PTPRB: variants seen among roughly 807,000 people sequenced by gnomAD.
PTPRB encodes the protein receptor-type tyrosine-protein phosphatase beta.
PTPRB carries 97 observed loss-of-function variants against 238.1 expected under a neutral mutation model. That is an observed-to-expected ratio of 0.41 (90% confidence interval 0.35 to 0.48). The LOEUF (loss-of-function observed/expected upper bound fraction) is 0.48. Among genes scored for constraint, PTPRB ranks in the 20% least tolerant of loss-of-function variants. The pLI, the probability that PTPRB is intolerant of heterozygous loss-of-function variation, is 0.30. For missense variants in PTPRB, 2,292 were observed against 2,681.9 expected, an observed-to-expected ratio of 0.85 and a Z score of 3.21; for synonymous variants, 970 against 995.4, an observed-to-expected ratio of 0.97 and a Z score of 0.48.
chr12:70,543,787 C>G (rs1875537130), intron 22 of PTPRB, among the ~76,000 whole-genome samples: 1 of 152,196 alleles, frequency 6.6e-6, no homozygotes, highest in Admixed American at 6.5e-5. Context: ...AGGTTGTACG[C>G]TTGGGCAGAA....
chr12:70,596,224 C>T lies in PTPRB; in HGVS notation c.1083G>A (p.Glu361=). ...GGTTATTTTCATCAAATAATTGCAC[C>T]TCATATGAGGTGACTTTTCCGGAAG... is the stretch of plus-strand genomic sequence containing the variant. ...TPSSGKVTSY[E]VQLFDENNQK... The change falls in exon 5 of 34, where the codon GAG becomes GAA. Residue 361 remains glutamate (E), a synonymous_variant. Coordinates refer to ENST00000334414, the MANE Select transcript of PTPRB (RefSeq NM_001109754.4). 2.5e-6 allele frequency: 4 copies of T among 1,613,394 alleles called. No individual in the cohort carries two copies. Among genetic ancestry groups the T allele is most frequent in the Non-Finnish European group, 3.4e-6 (4 of 1,179,774 alleles).
chr12:70,570,729 G>A (rs1879932949), intron 13 of PTPRB, among the ~76,000 whole-genome samples: 1 of 152,176 alleles, frequency 6.6e-6, no homozygotes. Context: ...TTCTAAAGAA[G>A]TGATACCCAA....
At chr12:70,613,684 C>T (rs17108390) in intron 3 of PTPRB, among the ~76,000 whole-genome samples, 31,339 of 152,054 alleles carry the variant, frequency 0.21, 3,553 homozygotes, top group African/African-American at 0.29. Flanking sequence ...CTACCTTTCC[C>T]GGTCATATGG....
At position 70,581,309 on chromosome 12, in the gene PTPRB, C is replaced by G; in HGVS notation, c.2312-7G>C. 1 of 1,597,156 alleles carries G rather than the reference C, an allele frequency of 6.3e-7. No homozygotes were observed. Among genetic ancestry groups the G allele is most frequent in the South Asian group, 1.1e-5 (1 of 88,802 alleles). ...TCAGTCACTTGGGCAGGCACTAAAA[C>G]AGTAGACAGAAGAAAAAACAAATGA... On this transcript the variant is annotated splice_region_variant and splice_polypyrimidine_tract_variant and intron_variant, in intron 9 of 33. Transcript: ENST00000334414.
At position 70,517,626 on chromosome 12, in the gene PTPRB, T is replaced by G. The variant is rs1871294815; in HGVS notation, c.*3863A>C. ...CTCTGTCTTGGCTAATCAGTTATAT[T>G]TTCATTTCCTCAGTGAAATGGAACC... On this transcript the variant is annotated 3_prime_UTR_variant, in exon 34 of 34. Transcript: ENST00000334414. 6.6e-6 allele frequency: 1 copy of G among 152,158 alleles called. No individual in the cohort carries two copies. Among genetic ancestry groups the G allele is most frequent in the Non-Finnish European group, 1.5e-5 (1 of 68,042 alleles). 9.4% of individuals were successfully genotyped at this position (152,158 alleles called of 1,614,324 possible).
intron 21 of PTPRB, among the ~76,000 whole-genome samples, chr12:70,551,029 G>A (rs1446109149): frequency 6.6e-6 from 1 of 152,088 alleles, no homozygotes; most frequent in Non-Finnish European, 1.5e-5. Context: ...CCAAGTAGCT[G>A]GGATTACAGG....
At chr12:70,541,690 G>A (rs1875144462) in intron 22 of PTPRB, 1 of 152,226 alleles carries the variant, frequency 6.6e-6, no homozygotes, top group Admixed American at 6.5e-5. Context: ...TATTCTGGAT[G>A]TTTCATAGAA....
intron 9 of PTPRB, among the ~76,000 whole-genome samples, chr12:70,581,972 C>A (rs1464920382): frequency 6.6e-6 from 1 of 151,928 alleles, no homozygotes; most frequent in East Asian, 1.9e-4. Flanking sequence ...ACAAGGAAAC[C>A]AAGGATCATA....
chr12:70,552,340 C>T (rs1877000525), intron 21 of PTPRB, among the ~76,000 whole-genome samples: 1 of 151,782 alleles, frequency 6.6e-6, no homozygotes, highest in Admixed American at 6.6e-5. Context: ...AAAACTTAGC[C>T]GGGTGTGGTG....
intron 14 of PTPRB, among the ~76,000 whole-genome samples, chr12:70,567,035 G>A (rs11178294): frequency 0.22 from 34,028 of 152,088 alleles, 4,357 homozygotes; most frequent in African/African-American, 0.35. Flanking sequence ...GCAAGTTCAT[G>A]TTCAGTGAAT....
rs1460852933 is a variant in PTPRB at position 70,573,569 on chromosome 12, C to T, written c.2843-1482G>A. Among the ~76,000 whole-genome samples, 6 of 136,216 alleles carry T rather than the reference C, an allele frequency of 4.4e-5. No individual in the cohort carries two copies. The East Asian group carries it at 8.6e-4, about 20-fold the overall frequency. The allele number at this position is 136,216 out of a possible 152,430, so 89.4% of individuals were successfully genotyped here. Reference sequence around the variant, plus strand: ...TTGCCCGGGCTGGAGTGCAGTGGTGCGATCTTGGCTCACTGGAACCTCTGC... The same window carrying T: ...TTGCCCGGGCTGGAGTGCAGTGGTGTGATCTTGGCTCACTGGAACCTCTGC... On this transcript the variant is annotated intron_variant, in intron 11 of 33. Coordinates refer to ENST00000334414, the MANE Select transcript of PTPRB (RefSeq NM_001109754.4).
intron 2 of PTPRB, among the ~76,000 whole-genome samples, chr12:70,632,226 C>T (rs1404465768): frequency 6.6e-6 from 1 of 152,148 alleles, no homozygotes; most frequent in Non-Finnish European, 1.5e-5. Context: ...GGCACATATA[C>T]ACCATGGAAT....
At position 70,587,280 on chromosome 12, in the gene PTPRB, C is replaced by T. The variant is rs1565981579; in HGVS notation, c.2051-13G>A. On this transcript the variant is annotated splice_polypyrimidine_tract_variant and intron_variant, in intron 8 of 33. Coordinates refer to ENST00000334414, the MANE Select transcript of PTPRB (RefSeq NM_001109754.4). ...ACAGCCAGGGGGACTGAGGAAAAAGCAATGGAGATGGGTCATTGATGGACT... is the reference window on the plus strand; with the variant it reads ...ACAGCCAGGGGGACTGAGGAAAAAGTAATGGAGATGGGTCATTGATGGACT... 1 of 1,612,950 alleles carries T rather than the reference C, an allele frequency of 6.2e-7. No homozygotes were observed.
At chr12:70,623,748 A>G (rs79955298) in intron 2 of PTPRB, among the ~76,000 whole-genome samples, 1 of 152,250 alleles carries the variant, frequency 6.6e-6, no homozygotes, top group Non-Finnish European at 1.5e-5. Context: ...TTTACTGGTT[A>G]TTTATTCAAA....
chr12:70,531,965 C>A, intron 32 of PTPRB, 70 bp downstream of exon 32: 1 of 1,571,008 alleles, frequency 6.4e-7, no homozygotes, highest in South Asian at 1.1e-5. Flanking sequence ...AGATTAAGGT[C>A]CTGGATATTT....
At chr12:70,580,943 G>T in intron 10 of PTPRB, 93 bp downstream of exon 10, 1 of 1,396,494 alleles carries the variant, frequency 7.2e-7, no homozygotes, top group Non-Finnish European at 9.7e-7. Context: ...CCAGGGATGA[G>T]TCTGATTTTA....
intron 16 of PTPRB, among the ~76,000 whole-genome samples, chr12:70,562,391 G>A (rs1301803509): frequency 1.3e-5 from 2 of 152,140 alleles, no homozygotes; most frequent in Non-Finnish European, 2.9e-5. Flanking sequence ...CACTTTCCTG[G>A]AACTCTGTGT....
chr12:70,562,810 C>G, intron 16 of PTPRB, 34 bp downstream of exon 16: 1 of 1,600,704 alleles, frequency 6.2e-7, no homozygotes, highest in South Asian at 1.1e-5. Context: ...GACAATTCCC[C>G]CACGATTCAT....
rs201914181 is a variant in PTPRB at position 70,592,357 on chromosome 12, C to T, written c.1705G>A (p.Gly569Ser). The T allele has an allele frequency of 2.7e-5, 44 of 1,613,952 alleles. No individual in the cohort carries two copies. The highest frequency in any genetic ancestry group is 1.1e-4 in the East Asian group (5 of 44,880). Residue 569 changes from glycine (G) to serine (S), a missense_variant, in exon 7 of 34, where the codon GGT (glycine) becomes AGT (serine). Coordinates refer to ENST00000334414, the MANE Select transcript of PTPRB (RefSeq NM_001109754.4). ...CTGACAGTAACTTGATAAAGTCGAC[C>T]GGGGACTAACTCTTTAAAGTGAGTT... ...TETHFKELVP[G>S]RLYQVTVSCV...
Sources: gnomAD v4.1 joint callset for allele counts (sites outside exome capture counted in the v4.1 genomes callset) on GRCh38, gnomAD v4.1.1 for gene constraint, MANE v1.5 for transcripts, NCBI Gene and HGNC (gene_info 2026-07-23, HGNC 2026-07-21) for gene names.